GTF2IRD1: variants seen among roughly 807,000 people sequenced by gnomAD.
GTF2IRD1 encodes general transcription factor II-I repeat domain-containing protein 1.
A neutral mutation model predicts 113.2 loss-of-function variants in GTF2IRD1; 26 were observed. The ratio of observed to expected loss-of-function variants is 0.23; its 90% CI spans 0.17 to 0.32. The LOEUF is 0.32. GTF2IRD1 is among the 10% of genes least tolerant of loss of function. GTF2IRD1 has a pLI of 1.00. For missense variants in GTF2IRD1, 864 were observed against 1,280.8 expected, an observed-to-expected ratio of 0.67 and a Z score of 4.97; for synonymous variants, 484 against 529.1, an observed-to-expected ratio of 0.91 and a Z score of 1.17.
chr7:74,581,033 G>A (rs1221575890), intron 22 of GTF2IRD1, among the ~76,000 whole-genome samples: 6 of 151,990 alleles, frequency 3.9e-5, no homozygotes, highest in African/African-American at 1.4e-4. Flanking sequence ...GGGGGGGTTG[G>A]GGGGAGACGG....
Position 74,513,024 on chromosome 7 carries a change from C to T in GTF2IRD1, c.265+53C>T, listed in dbSNP as rs552971097. 1,594 of 1,567,104 alleles carry T rather than the reference C, an allele frequency of 1.0e-3. 21 individuals are homozygous for T. Among genetic ancestry groups the T allele is most frequent in the Non-Finnish European group, 4.1e-4 (469 of 1,147,048 alleles). ...GGGCCCGCCATTTCCCGAGGGCAGGCGCTCTAGCCCATCTCTGGGTCCCCA... is the reference window on the plus strand; with the variant it reads ...GGGCCCGCCATTTCCCGAGGGCAGGTGCTCTAGCCCATCTCTGGGTCCCCA... On this transcript the variant is annotated intron_variant, in intron 3 of 26. Coordinates refer to ENST00000424337, the MANE Select transcript of GTF2IRD1 (RefSeq NM_005685.4).
chr7:74,525,456 AAAG>A (rs1554347032), intron 8 of GTF2IRD1, among the ~76,000 whole-genome samples: 3 of 152,184 alleles, frequency 2.0e-5, no homozygotes, highest in African/African-American at 7.2e-5. Flanking sequence ...CGCACTCTGG[AAAG>A]AAAACACAAG....
intron 14 of GTF2IRD1, among the ~76,000 whole-genome samples, chr7:74,543,256 C>T (rs190520101): frequency 2.6e-5 from 4 of 151,786 alleles, no homozygotes; most frequent in Admixed American, 6.6e-5. Flanking sequence ...GAGCCAAGAT[C>T]GCACCATTGC....
At chr7:74,490,500 G>C (rs1795276373) in intron 1 of GTF2IRD1, among the ~76,000 whole-genome samples, 1 of 152,008 alleles carries the variant, frequency 6.6e-6, no homozygotes. Context: ...GACTAGAGAG[G>C]GAGTATTCAG....
intron 1 of GTF2IRD1, among the ~76,000 whole-genome samples, chr7:74,488,908 C>T (rs576870775): frequency 1.3e-5 from 2 of 151,970 alleles, no homozygotes; most frequent in Admixed American, 6.6e-5. Context: ...TTTGGGAGGC[C>T]AAGGTGGCGG....
intron 1 of GTF2IRD1, among the ~76,000 whole-genome samples, chr7:74,466,206 C>G (rs1554330771): frequency 6.6e-6 from 1 of 152,088 alleles, no homozygotes; most frequent in African/African-American, 2.4e-5. Flanking sequence ...AGGCCCTGTT[C>G]TGGGGCGGGG....
At chr7:74,563,850 C>T (rs1800127045) in intron 22 of GTF2IRD1, among the ~76,000 whole-genome samples, 3 of 151,462 alleles carry the variant, frequency 2.0e-5, no homozygotes, top group Admixed American at 6.6e-5. Context: ...TGTGCAACTG[C>T]ACTCCAGCCT....
intron 17 of GTF2IRD1, among the ~76,000 whole-genome samples, chr7:74,551,751 C>T (rs1799319476): frequency 6.6e-6 from 1 of 151,958 alleles, no homozygotes; most frequent in African/African-American, 2.4e-5. Context: ...GCCTGACCAA[C>T]ATAGTGAAAC....
chr7:74,546,056 C>G (rs1247340661), intron 16 of GTF2IRD1, among the ~76,000 whole-genome samples: 2 of 151,930 alleles, frequency 1.3e-5, no homozygotes, highest in Non-Finnish European at 2.9e-5. Flanking sequence ...GGAGAGGCCA[C>G]TCCCTCCCCT....
intron 8 of GTF2IRD1, among the ~76,000 whole-genome samples, chr7:74,528,803 GTGGATGGATGGATGGA>G (rs1243826177): frequency 9.7e-5 from 5 of 51,348 alleles, no homozygotes; most frequent in African/African-American, 1.7e-4. Context: ...GGGTGGGTGG[GTGGATGGATGGATGGA>G]TGGATGGATG....
At chr7:74,465,412 G>A (rs1004515776) in intron 1 of GTF2IRD1, among the ~76,000 whole-genome samples, 1 of 152,190 alleles carries the variant, frequency 6.6e-6, no homozygotes, top group Admixed American at 6.5e-5. Context: ...GGTCTTTGAA[G>A]CCAGACACAC....
intron 1 of GTF2IRD1, among the ~76,000 whole-genome samples, chr7:74,475,117 C>T (rs927374928): frequency 7.2e-5 from 11 of 152,040 alleles, no homozygotes; most frequent in Non-Finnish European, 1.5e-4. Flanking sequence ...TAGCTGGACA[C>T]GATGGCACAC....
rs1336662803 is a variant in GTF2IRD1, at chr7:74,538,322, G to A, written c.1447+149G>A. ...TGCCCACCTGCCTCCACTAGGCCTCGCAGAGCTGAGGTGCAAGGCATGCTG... is the reference window on the plus strand; with the variant it reads ...TGCCCACCTGCCTCCACTAGGCCTCACAGAGCTGAGGTGCAAGGCATGCTG... On this transcript the variant is annotated intron_variant, in intron 12 of 26. Transcript: ENST00000424337. 5.9e-5 allele frequency: 45 copies of A among 768,664 alleles called. 3 individuals are homozygous for A. Among genetic ancestry groups the A allele is most frequent in the South Asian group, 3.8e-4 (24 of 62,368 alleles). 47.6% of individuals were successfully genotyped at this position (768,664 alleles called of 1,614,324 possible).
chr7:74,591,092 G>A (rs1161682885), intron 24 of GTF2IRD1, 75 bp downstream of exon 24: 8 of 1,024,138 alleles, frequency 7.8e-6, no homozygotes, highest in Non-Finnish European at 1.2e-5. Context: ...GGTCACGGTG[G>A]GTCAGCTGGG....
intron 22 of GTF2IRD1, among the ~76,000 whole-genome samples, chr7:74,583,111 C>T (rs1801512031): frequency 6.6e-6 from 1 of 152,124 alleles, no homozygotes; most frequent in Non-Finnish European, 1.5e-5. Context: ...TAGAGAATCC[C>T]ACAGACAAGG....
At chr7:74,519,131 G>C (rs782035469) in intron 5 of GTF2IRD1, among the ~76,000 whole-genome samples, 2 of 152,244 alleles carry the variant, frequency 1.3e-5, no homozygotes, top group Non-Finnish European at 2.9e-5. Context: ...GCAGGAGACA[G>C]GAGGCAATCA....
At chr7:74,477,636 T>C (rs1477404309) in intron 1 of GTF2IRD1, among the ~76,000 whole-genome samples, 1 of 152,004 alleles carries the variant, frequency 6.6e-6, no homozygotes, top group Non-Finnish European at 1.5e-5. Context: ...TGCTGAGGTT[T>C]TACATAGCAG....
intron 15 of GTF2IRD1, 98 bp from the exon 16 acceptor site, chr7:74,545,646 G>A: frequency 1.2e-5 from 9 of 733,628 alleles, no homozygotes; most frequent in Admixed American, 1.9e-5. Context: ...CCCATTCCAA[G>A]ATCCCACCAC....
intron 1 of GTF2IRD1, among the ~76,000 whole-genome samples, chr7:74,503,197 C>A (rs1436145312): frequency 6.6e-6 from 1 of 151,714 alleles, no homozygotes; most frequent in Non-Finnish European, 1.5e-5. Flanking sequence ...TCCAGGGCCC[C>A]GCTGCCCAGG....
Sources: gnomAD v4.1 joint callset for allele counts (sites outside exome capture counted in the v4.1 genomes callset) on GRCh38, gnomAD v4.1.1 for gene constraint, MANE v1.5 for transcripts, NCBI Gene and HGNC (gene_info 2026-07-23, HGNC 2026-07-21) for gene names.